OR14A2: variants seen among roughly 807,000 people sequenced by gnomAD.
OR14A2 encodes olfactory receptor family 14 subfamily A member 2, also known as olfactory receptor 14A2.
For missense variants in OR14A2, 237 were observed against 152.9 expected (o/e 1.55, Z -2.90); for synonymous variants, 114 against 58.6 (o/e 1.95, Z -4.32).
chr1:247,730,794 G>A, the OR14A2 span, among the ~76,000 whole-genome samples: 2 of 152,160 alleles, frequency 1.3e-5, no homozygotes, highest in East Asian at 3.9e-4. Flanking sequence ...TGCTATCCCA[G>A]CCCAAGAAGA....
the OR14A2 span, chr1:247,746,592 GCC>G: frequency 6.6e-6 from 1 of 152,166 alleles, no homozygotes; most frequent in African/African-American, 2.4e-5. Context: ...TTCAAATCCA[GCC>G]CCCACCCTTG....
At chr1:247,746,495 A>G in the OR14A2 span, 1 of 152,200 alleles carries the variant, frequency 6.6e-6, no homozygotes, top group Non-Finnish European at 1.5e-5. Context: ...GTATGATGCC[A>G]TCCTGGGATA....
the OR14A2 span, among the ~76,000 whole-genome samples, chr1:247,736,032 C>G: frequency 1.3e-5 from 2 of 151,474 alleles, no homozygotes; most frequent in Non-Finnish European, 2.9e-5. Context: ...TGATCTTACT[C>G]GAGAATGGAA....
At chr1:247,736,807 T>A in the OR14A2 span, among the ~76,000 whole-genome samples, 1 of 152,202 alleles carries the variant, frequency 6.6e-6, no homozygotes, top group East Asian at 1.9e-4. Context: ...GCTTTACTTT[T>A]GGGGCTTCCA....
At chr1:247,732,682 A>G in the OR14A2 span, among the ~76,000 whole-genome samples, 1 of 152,206 alleles carries the variant, frequency 6.6e-6, no homozygotes, top group South Asian at 2.1e-4. Flanking sequence ...ATAATCACCA[A>G]AACTGAAAGA....
chr1:247,739,619 G>T, the OR14A2 span: 1 of 669,980 alleles, frequency 1.5e-6, no homozygotes, highest in Non-Finnish European at 2.7e-6. Flanking sequence ...TCCACTAGCT[G>T]TTTAAAATTA....
exon 1 of OR14A2, chr1:247,723,327 G>A: frequency 7.0e-6 from 5 of 717,512 alleles, no homozygotes; most frequent in Non-Finnish European, 1.0e-5. Context: ...GATGGGGGAA[G>A]CATGTGGAAA....
chr1:247,725,826 C>A (rs1660337498), upstream of OR14A2, among the ~76,000 whole-genome samples: 2 of 116,418 alleles, frequency 1.7e-5, 1 homozygote, highest in South Asian at 6.3e-4. Context: ...ATGATGATTT[C>A]CAATTTCATC....
At chr1:247,728,592 G>A (rs551968973), upstream of OR14A2, among the ~76,000 whole-genome samples, 1 of 152,068 alleles carries the variant, frequency 6.6e-6, no homozygotes, top group South Asian at 2.1e-4. Context: ...GGCAGGAGAA[G>A]GAAATAAAGG....
At chr1:247,747,514 A>G in the OR14A2 span, among the ~76,000 whole-genome samples, 10 of 151,974 alleles carry the variant, frequency 6.6e-5, no homozygotes, top group Non-Finnish European at 1.3e-4. Context: ...GGCGCTCGCC[A>G]CCACGCCCGG....
the OR14A2 span, among the ~76,000 whole-genome samples, chr1:247,747,644 G>A: frequency 1.3e-5 from 2 of 152,156 alleles, no homozygotes; most frequent in Non-Finnish European, 2.9e-5. Flanking sequence ...TTACAGGCGT[G>A]AGGCACCGCG....
the OR14A2 span, among the ~76,000 whole-genome samples, chr1:247,745,417 C>CTT: frequency 1.3e-5 from 2 of 148,862 alleles, no homozygotes; most frequent in African/African-American, 5.0e-5. Flanking sequence ...TGTCTTTTGG[C>CTT]TTTTTTTTTG....
At chr1:247,736,902 T>A in the OR14A2 span, among the ~76,000 whole-genome samples, 1 of 152,174 alleles carries the variant, frequency 6.6e-6, no homozygotes, top group South Asian at 2.1e-4. Context: ...AAGCCCAAAG[T>A]TTGCAACATA....
upstream of OR14A2, among the ~76,000 whole-genome samples, chr1:247,727,427 T>C (rs1174307957): frequency 2.0e-5 from 3 of 152,042 alleles, no homozygotes; most frequent in Non-Finnish European, 4.4e-5. Flanking sequence ...CTTAAGGAGA[T>C]TTTGGGCTGA....
At chr1:247,723,593 C>T in exon 1 of OR14A2, 2 of 718,318 alleles carry the variant, frequency 2.8e-6, no homozygotes, top group Non-Finnish European at 5.2e-6. Flanking sequence ...CCAAAGAGCC[C>T]TCCAATGGCC....
At chr1:247,736,169 C>CCCTCTCCTCT in the OR14A2 span, among the ~76,000 whole-genome samples, 5 of 147,100 alleles carry the variant, frequency 3.4e-5, no homozygotes, top group Admixed American at 1.4e-4. Context: ...CCCTCCCCTC[C>CCCTCTCCTCT]CCTCTCCTCT....
chr1:247,727,966 G>T (rs1660419319), upstream of OR14A2, among the ~76,000 whole-genome samples: 2 of 144,126 alleles, frequency 1.4e-5, no homozygotes, highest in Non-Finnish European at 3.0e-5. Context: ...AGGACCAGAT[G>T]GATTCACAGC....
At chr1:247,730,000 G>A in the OR14A2 span, among the ~76,000 whole-genome samples, 2 of 152,000 alleles carry the variant, frequency 1.3e-5, no homozygotes, top group Non-Finnish European at 2.9e-5. Flanking sequence ...ATTTTTTAAT[G>A]GTTGAAGAAT....
At chr1:247,742,816 G>A in the OR14A2 span, among the ~76,000 whole-genome samples, 16 of 152,214 alleles carry the variant, frequency 1.1e-4, no homozygotes, top group East Asian at 2.3e-3. Flanking sequence ...GGGCACAAAA[G>A]TTTTCAAAAA....
Sources: allele counts gnomAD v4.1 joint callset (sites outside exome capture counted in the v4.1 genomes callset), GRCh38; gene constraint gnomAD v4.1.1; transcripts MANE v1.5; gene names NCBI Gene and HGNC (gene_info 2026-07-23, HGNC 2026-07-21).